CLSTN1: variants seen among roughly 807,000 people sequenced by gnomAD.
CLSTN1 encodes the protein calsyntenin 1.
A neutral mutation model predicts 108.3 loss-of-function variants in CLSTN1; 28 were observed. The ratio of observed to expected loss-of-function variants is 0.26; its 90% CI spans 0.19 to 0.35. The LOEUF is 0.35. Among genes scored for constraint, CLSTN1 ranks in the 10% least tolerant of loss-of-function variants. CLSTN1 has a pLI of 1.00. For missense variants in CLSTN1, 1,157 were observed against 1,302.6 expected (o/e 0.89, Z 1.72); for synonymous variants, 524 against 534.9 (o/e 0.98, Z 0.28).
At chr1:9,808,549 A>G (rs1303452727) in intron 1 of CLSTN1, among the ~76,000 whole-genome samples, 3 of 152,152 alleles carry the variant, frequency 2.0e-5, no homozygotes, top group Non-Finnish European at 4.4e-5. Context: ...GTACCAGGAA[A>G]CAATGTATCA....
chr1:9,767,487 G>C (rs995157477), intron 2 of CLSTN1, among the ~76,000 whole-genome samples: 4 of 151,450 alleles, frequency 2.6e-5, no homozygotes, highest in Non-Finnish European at 5.9e-5. Flanking sequence ...GGAGGTTGCA[G>C]TGAGCCGAGA....
intron 1 of CLSTN1, among the ~76,000 whole-genome samples, chr1:9,820,715 G>A (rs1304731263): frequency 6.6e-6 from 1 of 152,046 alleles, no homozygotes; most frequent in African/African-American, 2.4e-5. Context: ...GCTGGTGACG[G>A]GAAACATATG....
chr1:9,807,183 G>T (rs1441970522), intron 1 of CLSTN1, among the ~76,000 whole-genome samples: 1 of 151,808 alleles, frequency 6.6e-6, no homozygotes. Context: ...CCTGTTTAAC[G>T]TTAACAGCGC....
At chr1:9,801,802 C>T (rs1042954251) in intron 1 of CLSTN1, among the ~76,000 whole-genome samples, 3 of 152,104 alleles carry the variant, frequency 2.0e-5, no homozygotes, top group Non-Finnish European at 4.4e-5. Context: ...GTGATCCGCC[C>T]ACCTCTGCTT....
At chr1:9,755,576 G>C (rs1424944737) in intron 3 of CLSTN1, among the ~76,000 whole-genome samples, 1 of 152,162 alleles carries the variant, frequency 6.6e-6, no homozygotes, top group Admixed American at 6.5e-5. Flanking sequence ...AGAGAGAGAA[G>C]AAAATATAGA....
intron 1 of CLSTN1, among the ~76,000 whole-genome samples, chr1:9,812,619 G>C (rs1377591352): frequency 1.3e-5 from 2 of 152,116 alleles, no homozygotes; most frequent in African/African-American, 4.8e-5. Context: ...GGCCGAGGCG[G>C]GCAGAACACC....
At position 9,730,378 on chromosome 1, in the gene CLSTN1, G is replaced by A. The variant is rs181812755; in HGVS notation, c.*130C>T. The A allele has an allele frequency of 5.7e-4, 468 of 826,110 alleles. No individual in the cohort carries two copies. The Middle Eastern group carries it at 6.1e-3, about 11-fold the overall frequency. The allele number at this position is 826,110 out of a possible 1,614,324, so 51.2% of individuals were successfully genotyped here. A position where few individuals can be genotyped will look rare whatever the true frequency, so the allele number is the denominator to read the frequency against. On this transcript the variant is annotated 3_prime_UTR_variant, in exon 19 of 19. Transcript: ENST00000377298. This position sits in a 1 kb window ranked among gnomAD's most constrained non-coding sequence, Gnocchi z 5.6. ...GGTCCTACACACCAAGCACAGCGACGATCGTGGCGGGGAGGGGTCTGCACA... is the reference window on the plus strand; with the variant it reads ...GGTCCTACACACCAAGCACAGCGACAATCGTGGCGGGGAGGGGTCTGCACA...
chr1:9,759,733 G>T (rs1272168206), intron 2 of CLSTN1, among the ~76,000 whole-genome samples: 1 of 152,198 alleles, frequency 6.6e-6, no homozygotes, highest in African/African-American at 2.4e-5. Flanking sequence ...GCTTAAAATA[G>T]TCCCTATCTA....
intron 1 of CLSTN1, among the ~76,000 whole-genome samples, chr1:9,774,839 T>C (rs1236161346): frequency 6.6e-6 from 1 of 152,030 alleles, no homozygotes; most frequent in African/African-American, 2.4e-5. Context: ...GTCGGCTATT[T>C]TTATGGTTAT....
chr1:9,753,585 A>C (rs111367680), intron 4 of CLSTN1, among the ~76,000 whole-genome samples: 16,302 of 150,970 alleles, frequency 0.11, 1,068 homozygotes, highest in South Asian at 0.27. Context: ...TCCACCTCCC[A>C]GGTTCAAGTG....
intron 11 of CLSTN1, among the ~76,000 whole-genome samples, chr1:9,736,440 C>T (rs1198197793): frequency 1.3e-5 from 2 of 152,164 alleles, no homozygotes; most frequent in African/African-American, 4.8e-5. Context: ...TTTTCTCTAC[C>T]TGGCACGCCC....
At chr1:9,771,844 T>C (rs1652700060) in intron 2 of CLSTN1, among the ~76,000 whole-genome samples, 2 of 152,196 alleles carry the variant, frequency 1.3e-5, no homozygotes, top group South Asian at 2.1e-4. Flanking sequence ...CAGAATGAAG[T>C]ACAAATTTAT....
intron 1 of CLSTN1, among the ~76,000 whole-genome samples, chr1:9,776,407 G>C (rs968759045): frequency 3.3e-5 from 5 of 152,084 alleles, no homozygotes; most frequent in Non-Finnish European, 5.9e-5. Context: ...TAAAATTTCG[G>C]TTTTGTGAGA....
In CLSTN1 at chr1:9,823,862, AGCCGCCGCCGCC is replaced by A. The variant is rs987047680; in HGVS notation, c.-141_-130del. 1.0e-5 allele frequency: 3 copies of A among 292,132 alleles called. No homozygotes were observed. Among genetic ancestry groups the A allele is most frequent in the African/African-American group, 2.3e-5 (1 of 43,444 alleles). 18.1% of individuals were successfully genotyped at this position (292,132 alleles called of 1,614,324 possible). A position where few individuals can be genotyped will look rare whatever the true frequency, so the allele number is the denominator to read the frequency against. On this transcript the variant is annotated 5_prime_UTR_variant, in exon 1 of 19. Coordinates refer to ENST00000377298, the MANE Select transcript of CLSTN1 (RefSeq NM_001009566.3). This position sits in a 1 kb window ranked among gnomAD's most constrained non-coding sequence, Gnocchi z 6.3. ...GGGGAGCTCCGGGGGTCCAAGGAGG[AGCCGCCGCCGCC>A]GCCGCCGTGACGCTGGGCCGCGCGC...
rs1650289484 is a variant in CLSTN1 at position 9,730,375 on chromosome 1, G to A, written c.*133C>T. ...TAGGGTCCTACACACCAAGCACAGC[G>A]ACGATCGTGGCGGGGAGGGGTCTGC... On this transcript the variant is annotated 3_prime_UTR_variant, in exon 19 of 19. Coordinates refer to ENST00000377298, the MANE Select transcript of CLSTN1 (RefSeq NM_001009566.3). The surrounding 1 kb of genome is among the most constrained non-coding windows in gnomAD (Gnocchi z 5.6). The A allele has an allele frequency of 7.3e-6, 6 of 820,268 alleles. No homozygotes were observed. The highest frequency in any genetic ancestry group is 4.5e-5 in the South Asian group (3 of 67,024). The allele number at this position is 820,268 out of a possible 1,614,324, so 50.8% of individuals were successfully genotyped here.
chr1:9,812,862 AAAAC>A (rs1654818762), intron 1 of CLSTN1, among the ~76,000 whole-genome samples: 4 of 151,608 alleles, frequency 2.6e-5, no homozygotes, highest in South Asian at 2.1e-4. Flanking sequence ...AAAAAAAAAA[AAAAC>A]AAACAAACCT....
chr1:9,805,147 G>A (rs562772856), intron 1 of CLSTN1, among the ~76,000 whole-genome samples: 1 of 151,880 alleles, frequency 6.6e-6, no homozygotes, highest in Admixed American at 6.6e-5. Context: ...AGAAAGCAAG[G>A]GGCAATGTAA....
rs1017006105 is a variant in CLSTN1 at position 9,735,364 on chromosome 1, G to A, written c.1883+103C>T. On this transcript the variant is annotated intron_variant, in intron 13 of 18. Transcript: ENST00000377298. The stretch of plus-strand genomic sequence containing the variant: ...TGCCCCACACTTTCTGGTTACACAC[G>A]ATGGCTCACCTTTCCTTACAGAAGG... 3.0e-5 allele frequency: 45 copies of A among 1,511,852 alleles called. 1 individual carries two copies. Among genetic ancestry groups the A allele is most frequent in the East Asian group, 6.8e-5 (3 of 44,206 alleles). The allele number at this position is 1,511,852 out of a possible 1,614,324, so 93.7% of individuals were successfully genotyped here. A position where few individuals can be genotyped will look rare whatever the true frequency, so the allele number is the denominator to read the frequency against.
intron 11 of CLSTN1, among the ~76,000 whole-genome samples, chr1:9,736,986 T>C (rs970395482): frequency 6.6e-6 from 1 of 151,966 alleles, no homozygotes; most frequent in Non-Finnish European, 1.5e-5. Flanking sequence ...AGCAGGAGAA[T>C]TGCTTGCACC....
Sources: gnomAD v4.1 joint callset for allele counts (sites outside exome capture counted in the v4.1 genomes callset) on GRCh38, gnomAD v4.1.1 for gene constraint, Gnocchi (gnomAD v3.1) non-coding constraint, MANE v1.5 for transcripts, NCBI Gene and HGNC (gene_info 2026-07-23, HGNC 2026-07-21) for gene names.